DGKI: variants seen among roughly 807,000 people sequenced by gnomAD.
DGKI encodes DAG kinase iota.
In DGKI, 55 loss-of-function variants were observed where a neutral mutation model predicts 147.5. That is an observed-to-expected ratio of 0.37 (90% CI 0.30 to 0.47). The LOEUF (loss-of-function observed/expected upper bound fraction) is 0.47. DGKI is among the 20% of genes least tolerant of loss of function. The pLI is 1.00. For synonymous variants in DGKI, 469 were observed against 477.1 expected (o/e 0.98, Z 0.22); for missense variants, 1,007 against 1,323.8 (o/e 0.76, Z 3.71).
At chr7:137,599,787 A>G (rs775908789) in intron 11 of DGKI, 36 bp downstream of exon 11, 3 of 1,593,730 alleles carry the variant, frequency 1.9e-6, no homozygotes. Flanking sequence ...CTTGCCTAAA[A>G]TACATATGGA....
chr7:137,669,947 C>T (rs1368063062), intron 3 of DGKI, among the ~76,000 whole-genome samples: 1 of 152,090 alleles, frequency 6.6e-6, no homozygotes, highest in African/African-American at 2.4e-5. Flanking sequence ...CTCCTAAGAT[C>T]CTACAAAATG....
chr7:137,446,537 C>T (rs1813722390), intron 27 of DGKI, among the ~76,000 whole-genome samples: 1 of 152,080 alleles, frequency 6.6e-6, no homozygotes, highest in African/African-American at 2.4e-5. Flanking sequence ...ACCAGCCTGG[C>T]CAACATGGTG....
chr7:137,552,300 A>G, intron 20 of DGKI, 69 bp downstream of exon 20: 1 of 1,552,564 alleles, frequency 6.4e-7, no homozygotes. Context: ...TCCCCAGACC[A>G]TGCACATGCT....
chr7:137,428,840 T>A (rs1286557915), intron 28 of DGKI, among the ~76,000 whole-genome samples: 4 of 151,972 alleles, frequency 2.6e-5, no homozygotes, highest in East Asian at 3.9e-4. Context: ...GAATCCAACT[T>A]ACAAGGGATG....
chr7:137,494,285 A>G (rs576619497), intron 21 of DGKI, among the ~76,000 whole-genome samples: 1 of 152,354 alleles, frequency 6.6e-6, no homozygotes, highest in East Asian at 1.9e-4. Context: ...CAACCTTGGT[A>G]GAGAGGCCAA....
At chr7:137,740,791 T>A (rs186799097) in intron 1 of DGKI, among the ~76,000 whole-genome samples, 7 of 152,236 alleles carry the variant, frequency 4.6e-5, no homozygotes, top group African/African-American at 1.4e-4. Flanking sequence ...AACCATCCAA[T>A]ATAAACTAAA....
intron 28 of DGKI, among the ~76,000 whole-genome samples, chr7:137,413,024 C>A (rs1346329611): frequency 6.6e-6 from 1 of 152,100 alleles, no homozygotes; most frequent in Non-Finnish European, 1.5e-5. Flanking sequence ...AATCCCAGTA[C>A]TTTGGGAAGC....
At chr7:137,686,080 C>G (rs910610353) in intron 2 of DGKI, among the ~76,000 whole-genome samples, 7 of 152,114 alleles carry the variant, frequency 4.6e-5, no homozygotes, top group Non-Finnish European at 8.8e-5. Context: ...GAAAACATTG[C>G]CCCTCCTTTT....
intron 10 of DGKI, among the ~76,000 whole-genome samples, chr7:137,605,035 G>T (rs1405452586): frequency 6.6e-6 from 1 of 152,018 alleles, no homozygotes; most frequent in Non-Finnish European, 1.5e-5. Flanking sequence ...GAAATTTTTG[G>T]CTGGGCACAG....
intron 19 of DGKI, among the ~76,000 whole-genome samples, chr7:137,567,208 G>A (rs1818616204): frequency 6.6e-6 from 1 of 150,504 alleles, no homozygotes; most frequent in Non-Finnish European, 1.5e-5. Flanking sequence ...AGGTTACAGT[G>A]AGCCGAGATT....
At chr7:137,637,316 C>T (rs1821348174) in intron 6 of DGKI, among the ~76,000 whole-genome samples, 1 of 152,180 alleles carries the variant, frequency 6.6e-6, no homozygotes, top group African/African-American at 2.4e-5. Flanking sequence ...TGGTTTGGAT[C>T]TGAAAAGGTA....
chr7:137,405,230 A>G (rs1004903413), intron 30 of DGKI, among the ~76,000 whole-genome samples: 1 of 143,772 alleles, frequency 7.0e-6, no homozygotes, highest in Non-Finnish European at 1.5e-5. Context: ...TTATGTTAAA[A>G]CCTTCATTAT....
chr7:137,777,825 A>G (rs746576080), intron 1 of DGKI, among the ~76,000 whole-genome samples: 1 of 152,210 alleles, frequency 6.6e-6, no homozygotes, highest in Non-Finnish European at 1.5e-5. Context: ...TGTTAATCGC[A>G]TATTGGTATT....
At chr7:137,421,738 T>A (rs1812579483) in intron 28 of DGKI, among the ~76,000 whole-genome samples, 1 of 152,368 alleles carries the variant, frequency 6.6e-6, no homozygotes. Context: ...ATGAGGACAC[T>A]TTTTTCTCTT....
intron 10 of DGKI, among the ~76,000 whole-genome samples, chr7:137,607,061 A>C (rs1820209110): frequency 6.6e-6 from 1 of 152,320 alleles, no homozygotes; most frequent in East Asian, 1.9e-4. Context: ...GAAAGGCACC[A>C]CTGAGCCTCG....
chr7:137,422,595 C>CTTTTTTTTTTTTTTTTT lies in DGKI; in HGVS notation c.2762-10405_2762-10389dup, dbSNP rs60494368. Among the ~76,000 whole-genome samples, 68 of 62,008 alleles carry CTTTTTTTTTTTTTTTTT rather than the reference C, an allele frequency of 1.1e-3. 4 individuals are homozygous for CTTTTTTTTTTTTTTTTT. Among genetic ancestry groups the CTTTTTTTTTTTTTTTTT allele is most frequent in the African/African-American group, 1.2e-3 (19 of 15,410 alleles). The allele number at this position is 62,008 out of a possible 152,430, so 40.7% of individuals were successfully genotyped here. A position where few individuals can be genotyped will look rare whatever the true frequency, so the allele number is the denominator to read the frequency against. ...TTGTAAAGCATTTTCTTTTTCTTTTCTTTTTTTTTTTTTTTTTTTTTTTTT... is the reference window on the plus strand; with the variant it reads ...TTGTAAAGCATTTTCTTTTTCTTTTCTTTTTTTTTTTTTTTTTTTTTTTTTTTTTTTTTTTTTTTTTT... On this transcript the variant is annotated intron_variant, in intron 28 of 32. Transcript: ENST00000614521.
intron 20 of DGKI, among the ~76,000 whole-genome samples, chr7:137,536,699 A>G (rs757840579): frequency 3.3e-5 from 5 of 152,186 alleles, no homozygotes; most frequent in Non-Finnish European, 5.9e-5. Context: ...TTACACAGAC[A>G]AATGCAGGGT....
At chr7:137,646,526 G>A (rs1821833470) in intron 5 of DGKI, among the ~76,000 whole-genome samples, 1 of 152,106 alleles carries the variant, frequency 6.6e-6, no homozygotes, top group African/African-American at 2.4e-5. Context: ...TGGTTCTCAG[G>A]ATACATTACA....
chr7:137,509,746 G>A (rs959877447), intron 21 of DGKI, among the ~76,000 whole-genome samples: 2 of 152,142 alleles, frequency 1.3e-5, no homozygotes, highest in African/African-American at 4.8e-5. Flanking sequence ...GACAGAATTG[G>A]GGAAAGAAAA....
Sources: allele counts gnomAD v4.1 joint callset (sites outside exome capture counted in the v4.1 genomes callset), GRCh38; gene constraint gnomAD v4.1.1; transcripts MANE v1.5; gene names NCBI Gene and HGNC (gene_info 2026-07-23, HGNC 2026-07-21).